OSBP2: variants seen among roughly 807,000 people sequenced by gnomAD.
OSBP2 encodes oxysterol binding protein 2, also known as oxysterol-binding protein 2.
Under a neutral mutation model 96.0 loss-of-function variants are expected in OSBP2, and 66 were observed. The ratio of observed to expected loss-of-function variants is 0.69; its 90% CI spans 0.56 to 0.84. The LOEUF is 0.84. Ranked by LOEUF, OSBP2 falls within the 40% of genes least tolerant of loss-of-function variation. The pLI, the probability that OSBP2 is intolerant of heterozygous loss-of-function variation, is 0.00. For synonymous variants in OSBP2, 525 were observed against 520.9 expected (o/e 1.01, Z -0.11); for missense variants, 1,038 against 1,222.7 (o/e 0.85, Z 2.25).
Position 30,778,303 on chromosome 22 carries a change from G to GCGCACACA in OSBP2, c.853+36935_853+36936insGCACACAC, listed in dbSNP as rs1555912357. Reference sequence around the variant, plus strand: ...CTGCTCATACTGCCCGTGTGCATGTGCACACACACACACACACACACACAC... The same window carrying GCGCACACA: ...CTGCTCATACTGCCCGTGTGCATGTGCGCACACACACACACACACACACACACACACAC... On this transcript the variant is annotated intron_variant, in intron 2 of 13. Coordinates refer to ENST00000332585, the MANE Select transcript of OSBP2 (RefSeq NM_030758.4). 1.6e-3 allele frequency among the ~76,000 whole-genome samples: 240 copies of GCGCACACA among 146,630 alleles called. 1 individual carries two copies. Among genetic ancestry groups the GCGCACACA allele is most frequent in the African/African-American group, 5.7e-3 (228 of 39,954 alleles).
At chr22:30,784,777 ATTT>A (rs71900262) in intron 2 of OSBP2, among the ~76,000 whole-genome samples, 1 of 140,576 alleles carries the variant, frequency 7.1e-6, no homozygotes. Context: ...AATCCTCCTC[ATTT>A]TTTTTTTTTT....
chr22:30,804,749 A>G (rs2090903212), intron 2 of OSBP2, among the ~76,000 whole-genome samples: 1 of 152,212 alleles, frequency 6.6e-6, no homozygotes, highest in African/African-American at 2.4e-5. Context: ...ACTACCGTAT[A>G]AACACTTTAT....
At chr22:30,809,245 A>G (rs1212456955) in intron 2 of OSBP2, among the ~76,000 whole-genome samples, 1 of 152,194 alleles carries the variant, frequency 6.6e-6, no homozygotes, top group Non-Finnish European at 1.5e-5. Flanking sequence ...CAGCCCTAGG[A>G]AACTAACACA....
chr22:30,831,552 C>T (rs1434524887), intron 2 of OSBP2, among the ~76,000 whole-genome samples: 7 of 152,156 alleles, frequency 4.6e-5, no homozygotes, highest in Admixed American at 2.0e-4. Flanking sequence ...CCTAGCAAAA[C>T]CTGCTTCTTG....
chr22:30,706,434 A>G (rs1013181943), intron 1 of OSBP2, among the ~76,000 whole-genome samples: 1 of 152,158 alleles, frequency 6.6e-6, no homozygotes, highest in African/African-American at 2.4e-5. Flanking sequence ...TCTACATTTA[A>G]TACCGATTTA....
At chr22:30,750,791 C>T (rs1043786349) in intron 2 of OSBP2, among the ~76,000 whole-genome samples, 4 of 152,218 alleles carry the variant, frequency 2.6e-5, no homozygotes, top group East Asian at 1.9e-4. Flanking sequence ...GTTGCCCAGG[C>T]TAGAGTGCAG....
At chr22:30,857,996 A>G (rs2039113033) in intron 2 of OSBP2, among the ~76,000 whole-genome samples, 1 of 152,080 alleles carries the variant, frequency 6.6e-6, no homozygotes, top group Non-Finnish European at 1.5e-5. Context: ...AAGAGGCGGG[A>G]GGGTGTCCGG....
chr22:30,896,645 G>A (rs990423797), intron 12 of OSBP2, among the ~76,000 whole-genome samples: 10 of 122,646 alleles, frequency 8.2e-5, no homozygotes, highest in African/African-American at 3.0e-4. Flanking sequence ...CTGGCAAACT[G>A]GATTTTTTTT....
chr22:30,811,171 C>T (rs2091001009), intron 2 of OSBP2, among the ~76,000 whole-genome samples: 1 of 148,558 alleles, frequency 6.7e-6, no homozygotes, highest in South Asian at 2.3e-4. Flanking sequence ...ACAACCCCCC[C>T]CCCACACATA....
In OSBP2 at chr22:30,741,212, C is replaced by A. The variant is rs751456202; in HGVS notation, c.696C>A (p.Thr232=). The change falls in exon 2 of 14, where the codon ACC becomes ACA. Residue 232 remains threonine, a synonymous_variant. Transcript: ENST00000332585. ...HTCRGTINLS[T]AHIDTEDSCG... ...GCCGTGGAACCATCAACCTGTCCAC[C>A]GCGCACATTGACACGGAGGACTCTT... 2 of 1,614,180 alleles carry A rather than the reference C, an allele frequency of 1.2e-6. No individual in the cohort carries two copies. The highest frequency in any genetic ancestry group is 8.5e-7 in the Non-Finnish European group (1 of 1,180,036).
intron 1 of OSBP2, among the ~76,000 whole-genome samples, chr22:30,738,787 C>T (rs2089892375): frequency 6.6e-6 from 1 of 152,102 alleles, no homozygotes; most frequent in Non-Finnish European, 1.5e-5. Context: ...GTCACAATCT[C>T]CTCACCTCAA....
At chr22:30,791,790 T>A (rs1164835960) in intron 2 of OSBP2, among the ~76,000 whole-genome samples, 1 of 152,156 alleles carries the variant, frequency 6.6e-6, no homozygotes, top group African/African-American at 2.4e-5. Context: ...GATAGGAAGG[T>A]CATCATCATC....
rs192852087 is a variant in OSBP2 at position 30,897,905 on chromosome 22, G to A, written c.2375+3904G>A. Among the ~76,000 whole-genome samples, 1,312 of 151,010 alleles carry A rather than the reference G, an allele frequency of 8.7e-3. 14 individuals carry two copies. Among genetic ancestry groups the A allele is most frequent in the Non-Finnish European group, 0.015 (1,029 of 67,868 alleles). On this transcript the variant is annotated intron_variant, in intron 12 of 13. Transcript: ENST00000332585. ...GCAGAGGTGGCAGTGAGCTGAGATC[G>A]TGCCACTGTACTCTAGGCTGGGTGA... is the stretch of plus-strand genomic sequence containing the variant.
intron 2 of OSBP2, among the ~76,000 whole-genome samples, chr22:30,751,004 G>A (rs979748434): frequency 2.0e-5 from 3 of 152,166 alleles, no homozygotes; most frequent in African/African-American, 7.2e-5. Flanking sequence ...GTCTCCCAAA[G>A]TGCTGGGATT....
chr22:30,694,875 C>T lies in OSBP2; in HGVS notation c.-35C>T, dbSNP rs2088994520. On this transcript the variant is annotated 5_prime_UTR_variant, in exon 1 of 14. Coordinates refer to ENST00000332585, the MANE Select transcript of OSBP2 (RefSeq NM_030758.4). Reference sequence around the variant, plus strand: ...GCCCCCGGCCTGCCCCCCGCCCCCACTGGCCGCTCGGCCGCGCGCGGGTCG... The same window carrying T: ...GCCCCCGGCCTGCCCCCCGCCCCCATTGGCCGCTCGGCCGCGCGCGGGTCG... 5 of 1,086,504 alleles carry T rather than the reference C, an allele frequency of 4.6e-6. No homozygotes were observed. The highest frequency in any genetic ancestry group is 3.5e-6 in the Non-Finnish European group (3 of 850,132). The allele number at this position is 1,086,504 out of a possible 1,614,324, so 67.3% of individuals were successfully genotyped here.
intron 2 of OSBP2, among the ~76,000 whole-genome samples, chr22:30,857,262 G>A (rs149361244): frequency 3.3e-5 from 5 of 152,338 alleles, no homozygotes; most frequent in Non-Finnish European, 7.3e-5. Context: ...GAGGGCTAGT[G>A]CTTGTGTTAG....
chr22:30,709,030 G>A lies in OSBP2; in HGVS notation c.644+13477G>A, dbSNP rs141237539. ...CAGGAGAATCACTTGAACCCAAGAG[G>A]TGGAGGTTGCTGTGAGCTAGGTTGT... is the stretch of plus-strand genomic sequence containing the variant. On this transcript the variant is annotated intron_variant, in intron 1 of 13. Coordinates refer to ENST00000332585, the MANE Select transcript of OSBP2 (RefSeq NM_030758.4). Among the ~76,000 whole-genome samples the A allele has an allele frequency of 5.4e-3, 817 of 152,046 alleles. 10 individuals carry two copies. Among genetic ancestry groups the A allele is most frequent in the African/African-American group, 0.019 (797 of 41,522 alleles).
At chr22:30,798,092 T>C (rs1202638896) in intron 2 of OSBP2, among the ~76,000 whole-genome samples, 1 of 152,144 alleles carries the variant, frequency 6.6e-6, no homozygotes, top group Non-Finnish European at 1.5e-5. Context: ...TTGCCAACAC[T>C]TGTTATTTTC....
intron 2 of OSBP2, among the ~76,000 whole-genome samples, chr22:30,819,512 C>G (rs2091122119): frequency 6.6e-6 from 1 of 152,208 alleles, no homozygotes; most frequent in African/African-American, 2.4e-5. Flanking sequence ...CAAACTAATT[C>G]AACTAAGACT....
Sources: gnomAD v4.1 joint callset for allele counts (sites outside exome capture counted in the v4.1 genomes callset) on GRCh38, gnomAD v4.1.1 for gene constraint, MANE v1.5 for transcripts, NCBI Gene and HGNC (gene_info 2026-07-23, HGNC 2026-07-21) for gene names.